The following HERC4 variants were observed in gnomAD, a reference collection of about 807,000 sequenced individuals.
The protein encoded by HERC4 is probable E3 ubiquitin-protein ligase HERC4.
In HERC4, 28 loss-of-function variants were observed where a neutral mutation model predicts 124.3. That is an observed-to-expected ratio of 0.23 (90% CI 0.17 to 0.31). HERC4 has a LOEUF of 0.31. HERC4 is among the 10% of genes least tolerant of loss of function. The pLI is 1.00. For synonymous variants in HERC4, 407 were observed against 421.5 expected, an observed-to-expected ratio of 0.97 and a Z score of 0.42; for missense variants, 713 against 1,229.3, an observed-to-expected ratio of 0.58 and a Z score of 6.28.
At chr10:67,934,925 T>G (rs537315667) in intron 22 of HERC4, among the ~76,000 whole-genome samples, 1 of 151,872 alleles carries the variant, frequency 6.6e-6, no homozygotes, top group Non-Finnish European at 1.5e-5. Flanking sequence ...TTTTAATATT[T>G]TCTTTGACAG....
At position 68,059,641 on chromosome 10, in the gene HERC4, A is replaced by G. The variant is rs1290334947; in HGVS notation, c.226+13242T>C. Among the ~76,000 whole-genome samples the G allele has an allele frequency of 5.4e-4, 40 of 73,964 alleles. 12 individuals carry two copies. Among genetic ancestry groups the G allele is most frequent in the African/African-American group, 3.9e-3 (40 of 10,202 alleles). The allele number at this position is 73,964 out of a possible 152,430, so 48.5% of individuals were successfully genotyped here. A position where few individuals can be genotyped will look rare whatever the true frequency, so the allele number is the denominator to read the frequency against. On this transcript the variant is annotated intron_variant, in intron 3 of 24. Transcript: ENST00000373700. ...ATAATATTATATATCATAATATTAT[A>G]TATTATATTATATATCATATTATAT...
chr10:68,002,420 T>C (rs1431950191), intron 9 of HERC4, among the ~76,000 whole-genome samples: 1 of 151,486 alleles, frequency 6.6e-6, no homozygotes, highest in Non-Finnish European at 1.5e-5. Context: ...TTTCAGGTTG[T>C]CAAAAAAATG....
intron 9 of HERC4, 88 bp downstream of exon 9, chr10:68,013,938 T>C: frequency 2.6e-6 from 3 of 1,132,602 alleles, no homozygotes; most frequent in Non-Finnish European, 3.7e-6. Flanking sequence ...ATCTTGGAAT[T>C]CTTTCGCAGA....
At chr10:68,029,874 G>C (rs957883064) in intron 7 of HERC4, among the ~76,000 whole-genome samples, 25 of 151,098 alleles carry the variant, frequency 1.7e-4, no homozygotes, top group Non-Finnish European at 3.4e-4. Flanking sequence ...GACTACCTGG[G>C]ATTACAGGCG....
At chr10:68,045,672 T>C (rs1331051413) in intron 3 of HERC4, among the ~76,000 whole-genome samples, 2 of 152,210 alleles carry the variant, frequency 1.3e-5, no homozygotes. Flanking sequence ...TTTTTACTAG[T>C]ATCACAAGTT....
intron 23 of HERC4, among the ~76,000 whole-genome samples, chr10:67,926,328 C>G (rs183733164): frequency 3.3e-5 from 5 of 151,290 alleles, no homozygotes; most frequent in African/African-American, 1.2e-4. Flanking sequence ...ACTTGGGAGA[C>G]GGAGGTTGTA....
intron 16 of HERC4, among the ~76,000 whole-genome samples, chr10:67,963,718 C>G (rs1264879192): frequency 6.6e-6 from 1 of 152,132 alleles, no homozygotes; most frequent in Non-Finnish European, 1.5e-5. Context: ...GCTAAAAGAC[C>G]TAGGGTACCC....
intron 15 of HERC4, among the ~76,000 whole-genome samples, chr10:67,971,974 G>A (rs773287184): frequency 7.9e-5 from 12 of 152,130 alleles, no homozygotes; most frequent in Admixed American, 1.3e-4. Flanking sequence ...AGCACTTTGG[G>A]AGGCTGAGGC....
chr10:68,072,506 C>T (rs1218241725), intron 3 of HERC4, among the ~76,000 whole-genome samples: 1 of 152,060 alleles, frequency 6.6e-6, no homozygotes, highest in African/African-American at 2.4e-5. Context: ...TTTCCTCCCC[C>T]CTCCCAAAGT....
chr10:68,032,501 T>C (rs1463560650), intron 7 of HERC4, among the ~76,000 whole-genome samples: 1 of 152,196 alleles, frequency 6.6e-6, no homozygotes, highest in Non-Finnish European at 1.5e-5. Flanking sequence ...ATTCAAAGTA[T>C]GACCTTAAGC....
intron 15 of HERC4, among the ~76,000 whole-genome samples, chr10:67,978,225 G>A (rs774801881): frequency 1.4e-4 from 22 of 152,164 alleles, no homozygotes; most frequent in Admixed American, 1.3e-4. Flanking sequence ...CTGAGATTGC[G>A]TCACTGCACT....
At chr10:68,003,328 ATTTTTT>A (rs34287961) in intron 9 of HERC4, among the ~76,000 whole-genome samples, 60 of 130,834 alleles carry the variant, frequency 4.6e-4, no homozygotes, top group African/African-American at 1.6e-3. Flanking sequence ...TGCCTGACTA[ATTTTTT>A]TTTTTTTTTT....
chr10:68,007,750 G>T (rs1372399143), intron 9 of HERC4: 1 of 151,566 alleles, frequency 6.6e-6, no homozygotes, highest in Non-Finnish European at 1.5e-5. Context: ...TGCCCAAGCT[G>T]GAGTGCAGTG....
At chr10:68,074,611 G>A (rs1222312356) in intron 1 of HERC4, 1 of 152,174 alleles carries the variant, frequency 6.6e-6, no homozygotes, top group East Asian at 1.9e-4. Flanking sequence ...ACCCAGATCA[G>A]CTCATGGGGA....
chr10:68,059,286 G>A (rs953406209), intron 3 of HERC4, among the ~76,000 whole-genome samples: 3 of 150,874 alleles, frequency 2.0e-5, no homozygotes, highest in African/African-American at 4.9e-5. Context: ...GAAAATTGAC[G>A]GGTTGATGTG....
At chr10:67,994,696 T>G (rs2036756505) in intron 9 of HERC4, 1 of 152,096 alleles carries the variant, frequency 6.6e-6, no homozygotes, top group Non-Finnish European at 1.5e-5. Flanking sequence ...CCTCCCAAAG[T>G]GTCAGAATTA....
chr10:68,025,534 A>AT lies in HERC4; in HGVS notation c.908+11dup. ...TTTAGAGACCAAAATGCTCTTTTAC[A>AT]TAACACCTTACCGTCCACAAGCAAT... On this transcript the variant is annotated intron_variant, in intron 8 of 24. Transcript: ENST00000373700. 6.2e-7 allele frequency: 1 copy of AT among 1,610,108 alleles called. No homozygotes were observed. The highest frequency in any genetic ancestry group is 1.7e-5 in the Admixed American group (1 of 59,466).
At chr10:67,975,109 A>C (rs1204444724) in intron 15 of HERC4, among the ~76,000 whole-genome samples, 1 of 152,028 alleles carries the variant, frequency 6.6e-6, no homozygotes, top group Non-Finnish European at 1.5e-5. Flanking sequence ...GAATCGCTTG[A>C]ACCCGGGAGG....
At chr10:68,072,244 A>G (rs1008951040) in intron 3 of HERC4, among the ~76,000 whole-genome samples, 2 of 152,188 alleles carry the variant, frequency 1.3e-5, no homozygotes, top group African/African-American at 4.8e-5. Context: ...AAATGTGACC[A>G]AATTCCTCAA....
Sources: allele counts gnomAD v4.1 joint callset (sites outside exome capture counted in the v4.1 genomes callset), GRCh38; gene constraint gnomAD v4.1.1; transcripts MANE v1.5; gene names NCBI Gene and HGNC (gene_info 2026-07-23, HGNC 2026-07-21).